The following MAP2K6 variants were observed in gnomAD, a reference collection of about 807,000 sequenced individuals.
The protein encoded by MAP2K6 is mitogen-activated protein kinase kinase 6.
In MAP2K6, 16 loss-of-function variants were observed where a neutral mutation model predicts 53.7. That is an observed-to-expected ratio of 0.30 (90% CI 0.20 to 0.45). The LOEUF (loss-of-function observed/expected upper bound fraction) is 0.45, where lower values mean the gene tolerates loss of function less well. MAP2K6 is among the 20% of genes least tolerant of loss of function. MAP2K6 has a pLI of 1.00. For missense variants in MAP2K6, 204 were observed against 411.9 expected, an observed-to-expected ratio of 0.50 and a Z score of 4.37; for synonymous variants, 132 against 143.1, an observed-to-expected ratio of 0.92 and a Z score of 0.55.
chr17:69,469,895 T>C (rs1417844875), intron 1 of MAP2K6, among the ~76,000 whole-genome samples: 1 of 151,582 alleles, frequency 6.6e-6, no homozygotes, highest in East Asian at 1.9e-4. Flanking sequence ...AAGCAGAAGT[T>C]AGAAAGTAGA....
rs1382861420 is a variant in MAP2K6 at position 69,449,560 on chromosome 17, TA to T, written c.16+34561del. On this transcript the variant is annotated intron_variant, in intron 1 of 11. Transcript: ENST00000590474. ...TTCTTTCTTTCTTTCTTTCTTTCTT[TA>T]TTTCTTTCTTTCTTTCTTTCTTTCT... Among the ~76,000 whole-genome samples the T allele has an allele frequency of 4.3e-4, 36 of 84,652 alleles. No homozygotes were observed. In the East Asian group the frequency reaches 6.4e-3, roughly 15 times the overall value. 55.5% of individuals were successfully genotyped at this position (84,652 alleles called of 152,430 possible).
intron 1 of MAP2K6, among the ~76,000 whole-genome samples, chr17:69,481,370 C>T (rs565900969): frequency 2.5e-4 from 38 of 152,240 alleles, no homozygotes; most frequent in African/African-American, 8.9e-4. Flanking sequence ...TGCATGTTGT[C>T]TTTATATACC....
chr17:69,525,120 A>C, intron 9 of MAP2K6, 142 bp downstream of exon 9: 1 of 585,122 alleles, frequency 1.7e-6, no homozygotes, highest in Admixed American at 2.7e-5. Context: ...ATTTTGAGTA[A>C]TAATTGTTTG....
rs997785440 is a variant in MAP2K6 at position 69,544,108 on chromosome 17, A to G, written c.*2355A>G. 2 of 152,146 alleles carry G rather than the reference A, an allele frequency of 1.3e-5. No homozygotes were observed. The highest frequency in any genetic ancestry group is 6.5e-5 in the Admixed American group (1 of 15,276). 9.4% of individuals were successfully genotyped at this position (152,146 alleles called of 1,614,324 possible). On this transcript the variant is annotated 3_prime_UTR_variant, in exon 12 of 12. Coordinates refer to ENST00000590474, the MANE Select transcript of MAP2K6 (RefSeq NM_002758.4). ...TACCTTCTAAAGAGAACTGACTTAA[A>G]TTTACTTTCTTTTGAACATTTGCAG... is the stretch of plus-strand genomic sequence containing the variant.
At chr17:69,500,591 CT>C (rs1300488452) in intron 1 of MAP2K6, among the ~76,000 whole-genome samples, 3 of 150,826 alleles carry the variant, frequency 2.0e-5, no homozygotes, top group African/African-American at 7.3e-5. Context: ...CCCATCTGTA[CT>C]AAAAAATACA....
chr17:69,526,446 AC>A, intron 9 of MAP2K6, 123 bp from the exon 10 acceptor site: 2 of 971,634 alleles, frequency 2.1e-6, no homozygotes, highest in Non-Finnish European at 3.1e-6. Context: ...CTGCCCCCCT[AC>A]CCCTGGACTT....
chr17:69,477,332 T>G (rs1452515575), intron 1 of MAP2K6: 3 of 152,216 alleles, frequency 2.0e-5, no homozygotes, highest in Non-Finnish European at 4.4e-5. Context: ...TCGTCTCCTG[T>G]CCATCATTGT....
At chr17:69,437,801 T>TG (rs1356311821) in intron 1 of MAP2K6, among the ~76,000 whole-genome samples, 3 of 152,236 alleles carry the variant, frequency 2.0e-5, no homozygotes, top group Admixed American at 6.5e-5. Flanking sequence ...ATTCACCTAT[T>TG]CTAGATATTC....
In MAP2K6 at chr17:69,552,530, A is replaced by T. The variant is rs1912142671; in HGVS notation, c.*10777A>T. 6.6e-6 allele frequency: 1 copy of T among 152,246 alleles called. No homozygotes were observed. The highest frequency in any genetic ancestry group is 2.4e-5 in the African/African-American group (1 of 41,468). 9.4% of individuals were successfully genotyped at this position (152,246 alleles called of 1,614,324 possible). ...AGAGCATGAAACTCATTAGAAGTTT[A>T]TAAAGTAAAGACCTGTAAAGCATGT... On this transcript the variant is annotated 3_prime_UTR_variant, in exon 12 of 12. Transcript: ENST00000590474.
chr17:69,492,719 C>A (rs1252258361), intron 1 of MAP2K6, among the ~76,000 whole-genome samples: 1 of 152,188 alleles, frequency 6.6e-6, no homozygotes, highest in Non-Finnish European at 1.5e-5. Flanking sequence ...CTCCCTCTGC[C>A]CCTCTGTGTA....
At chr17:69,502,388 T>A in intron 1 of MAP2K6, 2 of 985,466 alleles carry the variant, frequency 2.0e-6, no homozygotes, top group Non-Finnish European at 2.4e-6. Context: ...TGCTGGTCTC[T>A]TACTGTGCTG....
chr17:69,462,020 A>G (rs1193309399), intron 1 of MAP2K6, among the ~76,000 whole-genome samples: 1 of 152,280 alleles, frequency 6.6e-6, no homozygotes, highest in East Asian at 1.9e-4. Context: ...AAGGAAGGTG[A>G]AATTAGTGAG....
In MAP2K6 at chr17:69,531,378, C is replaced by T. The variant is rs546399648; in HGVS notation, c.881+4669C>T. Among the ~76,000 whole-genome samples the T allele has an allele frequency of 3.3e-5, 5 of 152,122 alleles. 1 individual carries two copies. Among genetic ancestry groups the T allele is most frequent in the Admixed American group, 2.0e-4 (3 of 15,284 alleles). On this transcript the variant is annotated intron_variant, in intron 10 of 11. Transcript: ENST00000590474. ...CATACACCTGCCTAGGTATCATACCCGTGCCAAGGAATCAACTTGGCACGA... is the reference window on the plus strand; with the variant it reads ...CATACACCTGCCTAGGTATCATACCTGTGCCAAGGAATCAACTTGGCACGA...
intron 9 of MAP2K6, 56 bp downstream of exon 9, chr17:69,525,034 A>G: frequency 6.8e-7 from 1 of 1,470,608 alleles, no homozygotes; most frequent in Non-Finnish European, 9.5e-7. Flanking sequence ...AACTAGAATG[A>G]GGTGGACGTT....
chr17:69,495,572 G>A (rs1908917060), intron 1 of MAP2K6, among the ~76,000 whole-genome samples: 1 of 152,196 alleles, frequency 6.6e-6, no homozygotes, highest in Non-Finnish European at 1.5e-5. Flanking sequence ...AAAGTGGACT[G>A]TATTATAACT....
At position 69,453,100 on chromosome 17, in the gene MAP2K6, C is replaced by T. The variant is rs1017811054; in HGVS notation, c.16+38100C>T. Reference sequence around the variant, plus strand: ...CCTTTTGCTGGGAATTACCTGATGACGCAGAGCAGGAGTTTGGCAGGAACA... The same window carrying T: ...CCTTTTGCTGGGAATTACCTGATGATGCAGAGCAGGAGTTTGGCAGGAACA... On this transcript the variant is annotated intron_variant, in intron 1 of 11. Coordinates refer to ENST00000590474, the MANE Select transcript of MAP2K6 (RefSeq NM_002758.4). 3.9e-5 allele frequency among the ~76,000 whole-genome samples: 6 copies of T among 152,204 alleles called. 1 individual carries two copies. The South Asian group carries it at 6.2e-4, about 16-fold the overall frequency.
intron 1 of MAP2K6, among the ~76,000 whole-genome samples, chr17:69,464,617 A>G (rs1037785179): frequency 2.0e-5 from 3 of 151,912 alleles, no homozygotes; most frequent in Admixed American, 6.6e-5. Flanking sequence ...CCTGACCTCA[A>G]GTGATCCGCC....
At chr17:69,521,825 A>G (rs931075172) in intron 7 of MAP2K6, 277 of 150,936 alleles carry the variant, frequency 1.8e-3, no homozygotes, top group African/African-American at 6.1e-3. Context: ...AAAAAAAAAA[A>G]AAAAAAAACC....
Position 69,553,617 on chromosome 17 carries a change from AC to A in MAP2K6, c.*11866del, listed in dbSNP as rs1912182499. On this transcript the variant is annotated 3_prime_UTR_variant, in exon 12 of 12. Transcript: ENST00000590474. ...TGTGTATATGCGTGTAAAACTTCAC[AC>A]CGTGTGTGTTGTGTTCAATGTTGTG... is the stretch of plus-strand genomic sequence containing the variant. The A allele has an allele frequency of 6.6e-6, 1 of 152,332 alleles. No homozygotes were observed. The highest frequency in any genetic ancestry group is 2.4e-5 in the African/African-American group (1 of 41,574). The allele number at this position is 152,332 out of a possible 1,614,324, so 9.4% of individuals were successfully genotyped here. A position where few individuals can be genotyped will look rare whatever the true frequency, so the allele number is the denominator to read the frequency against.
Sources: allele counts gnomAD v4.1 joint callset (sites outside exome capture counted in the v4.1 genomes callset), GRCh38; gene constraint gnomAD v4.1.1; transcripts MANE v1.5; gene names NCBI Gene and HGNC (gene_info 2026-07-23, HGNC 2026-07-21).